DDX60: variants seen among roughly 807,000 people sequenced by gnomAD.
DDX60 encodes probable ATP-dependent RNA helicase DDX60.
A neutral mutation model predicts 212.8 loss-of-function variants in DDX60; 165 were observed. The ratio of observed to expected loss-of-function variants is 0.78; its 90% CI spans 0.68 to 0.88. DDX60 has a LOEUF of 0.88. Ranked by LOEUF, DDX60 falls within the 40% of genes least tolerant of loss-of-function variation. The pLI is 0.00. For synonymous variants in DDX60, 703 were observed against 685.3 expected, an observed-to-expected ratio of 1.03 and a Z score of -0.40; for missense variants, 1,905 against 2,003.9, an observed-to-expected ratio of 0.95 and a Z score of 0.94.
At chr4:168,274,420 TGAG>T (rs1214361936) in intron 16 of DDX60, among the ~76,000 whole-genome samples, 2 of 152,186 alleles carry the variant, frequency 1.3e-5, no homozygotes, top group Non-Finnish European at 2.9e-5. Context: ...AGAAAATAGC[TGAG>T]GAGAAGAAAC....
chr4:168,307,907 T>C, intron 4 of DDX60, 99 bp downstream of exon 4: 1 of 632,196 alleles, frequency 1.6e-6, no homozygotes, highest in Non-Finnish European at 2.3e-6. Context: ...CTTTTATAGA[T>C]ATAATCTACT....
At chr4:168,258,436 G>A (rs1442493767) in intron 25 of DDX60, among the ~76,000 whole-genome samples, 2 of 122,962 alleles carry the variant, frequency 1.6e-5, no homozygotes, top group Non-Finnish European at 3.3e-5. Flanking sequence ...TATGCTCCAT[G>A]TATTTTTTTT....
Position 168,216,870 on chromosome 4 carries a change from C to A in DDX60, c.*63G>T, listed in dbSNP as rs1321275031. The A allele has an allele frequency of 3.9e-6, 4 of 1,037,320 alleles. No individual in the cohort carries two copies. Among genetic ancestry groups the A allele is most frequent in the Non-Finnish European group, 5.7e-6 (4 of 703,944 alleles). 64.3% of individuals were successfully genotyped at this position (1,037,320 alleles called of 1,614,324 possible). On this transcript the variant is annotated 3_prime_UTR_variant, in exon 38 of 38. Coordinates refer to ENST00000393743, the MANE Select transcript of DDX60 (RefSeq NM_017631.6). ...TATTTCTGGCAAGAAGCATAAGAAT[C>A]AAAAACGTGACCTGAAAAACTACTA...
intron 6 of DDX60, among the ~76,000 whole-genome samples, chr4:168,299,982 G>A (rs1030662611): frequency 1.3e-5 from 2 of 152,052 alleles, no homozygotes; most frequent in Non-Finnish European, 2.9e-5. Context: ...ACCAGATAAA[G>A]GCAATTCAAA....
At chr4:168,284,337 G>T (rs1735726525) in intron 12 of DDX60, among the ~76,000 whole-genome samples, 1 of 152,128 alleles carries the variant, frequency 6.6e-6, no homozygotes, top group Non-Finnish European at 1.5e-5. Flanking sequence ...TAAGCATAGG[G>T]ATACAGAAAG....
chr4:168,234,822 T>G (rs1013242574), intron 33 of DDX60, among the ~76,000 whole-genome samples: 1 of 152,092 alleles, frequency 6.6e-6, no homozygotes, highest in Non-Finnish European at 1.5e-5. Context: ...CATTTTCGTG[T>G]TTGGCCAAGA....
intron 1 of DDX60, among the ~76,000 whole-genome samples, chr4:168,314,319 ACT>A (rs1338190927): frequency 2.1e-5 from 3 of 142,150 alleles, no homozygotes; most frequent in Admixed American, 6.9e-5. Context: ...ATGATTGAAC[ACT>A]CACACACACA....
Position 168,311,066 on chromosome 4 carries a change from T to A in DDX60, c.6A>T (p.Glu2Asp). ...GTGAAAATGTTGTAAGAACATTTCT[T>A]TCTAAATTTAAAAAAAAAGAGAGAA... M[E>D]RNVLTTFSQE... The change falls in exon 3 of 38, where the codon GAA becomes GAT. Residue 2 changes from glutamate (E) to aspartate (D), a missense_variant and splice_region_variant. Coordinates refer to ENST00000393743, the MANE Select transcript of DDX60 (RefSeq NM_017631.6). 6.4e-7 allele frequency: 1 copy of A among 1,559,344 alleles called. No homozygotes were observed. Among genetic ancestry groups the A allele is most frequent in the Non-Finnish European group, 8.8e-7 (1 of 1,137,464 alleles).
At chr4:168,261,716 C>T (rs1354573050) in intron 24 of DDX60, among the ~76,000 whole-genome samples, 1 of 152,126 alleles carries the variant, frequency 6.6e-6, no homozygotes, top group Non-Finnish European at 1.5e-5. Flanking sequence ...AAAGTATCAA[C>T]AATATCATCT....
intron 1 of DDX60, among the ~76,000 whole-genome samples, chr4:168,313,440 T>C (rs1322504764): frequency 1.7e-4 from 26 of 152,148 alleles, no homozygotes; most frequent in Admixed American, 1.7e-3. Flanking sequence ...ATGGGTCTTG[T>C]GCCCAGGTCA....
At chr4:168,257,349 T>C (rs969387197) in intron 25 of DDX60, among the ~76,000 whole-genome samples, 2 of 152,184 alleles carry the variant, frequency 1.3e-5, no homozygotes, top group African/African-American at 4.8e-5. Flanking sequence ...TCAGGCATTA[T>C]TCTCAGTGAC....
At chr4:168,315,516 G>A (rs113892268) in intron 1 of DDX60, among the ~76,000 whole-genome samples, 5,984 of 152,074 alleles carry the variant, frequency 0.039, 160 homozygotes, top group Non-Finnish European at 0.059. Flanking sequence ...CTATCAACCC[G>A]TCATCCAGGT....
intron 30 of DDX60, among the ~76,000 whole-genome samples, chr4:168,240,598 C>T (rs951974329): frequency 1.3e-5 from 2 of 152,142 alleles, no homozygotes; most frequent in African/African-American, 4.8e-5. Context: ...GTAACCAAAA[C>T]AGACACACAG....
At position 168,267,584 on chromosome 4, in the gene DDX60, G is replaced by C; in HGVS notation, c.3037C>G (p.His1013Asp). The C allele has an allele frequency of 6.6e-7, 1 of 1,522,488 alleles. No homozygotes were observed. The highest frequency in any genetic ancestry group is 8.9e-7 in the Non-Finnish European group (1 of 1,125,416). 94.3% of individuals were successfully genotyped at this position (1,522,488 alleles called of 1,614,324 possible). ...AATATGGCTAAAATATTACCTACAT[G>C]ATCTGTTGTTAGTGCAGCACATGGG... Reference protein sequence around the residue: ...FHPCAALTTDHIERYGFPPDL... With the variant: ...FHPCAALTTDDIERYGFPPDL... Residue 1013 changes from histidine to aspartate, a missense_variant and splice_region_variant, in exon 22 of 38, where the codon CAT (histidine) becomes GAT (aspartate). Coordinates refer to ENST00000393743, the MANE Select transcript of DDX60 (RefSeq NM_017631.6).
intron 14 of DDX60, among the ~76,000 whole-genome samples, chr4:168,278,627 C>T (rs1735453710): frequency 6.6e-6 from 1 of 152,098 alleles, no homozygotes; most frequent in African/African-American, 2.4e-5. Context: ...GATCGATGAT[C>T]CTGGCCAACA....
In DDX60 at chr4:168,221,850, G is replaced by C. The variant is rs964594304; in HGVS notation, c.4856C>G (p.Ser1619Cys). The C allele has an allele frequency of 7.4e-6, 12 of 1,612,928 alleles. No homozygotes were observed. The highest frequency in any genetic ancestry group is 1.7e-5 in the Admixed American group (1 of 59,934). The change falls in exon 36 of 38, where the codon TCT becomes TGT. Residue 1619 changes from serine (S) to cysteine (C), a missense_variant. By Grantham distance (112) the Ser-to-Cys change is moderately radical. Coordinates refer to ENST00000393743, the MANE Select transcript of DDX60 (RefSeq NM_017631.6). ...CTGTGACAACAGCACTGGAGCCTGA[G>C]AGCGATTGACACCGATTGTGCCTAG... is the stretch of plus-strand genomic sequence containing the variant. ...VTLGTIGVNR[S>C]QAPVLLSQKF...
chr4:168,289,874 T>A (rs1321109102), intron 8 of DDX60, among the ~76,000 whole-genome samples: 1 of 152,148 alleles, frequency 6.6e-6, no homozygotes, highest in Admixed American at 6.6e-5. Flanking sequence ...CTCTCACTGG[T>A]CCCTGGCACC....
chr4:168,264,869 A>C (rs1734775193), intron 22 of DDX60, among the ~76,000 whole-genome samples: 1 of 152,218 alleles, frequency 6.6e-6, no homozygotes, highest in African/African-American at 2.4e-5. Context: ...GAGTCTAGGC[A>C]GAAAATGAAG....
At chr4:168,240,075 C>G (rs1050926079) in intron 30 of DDX60, among the ~76,000 whole-genome samples, 1 of 151,850 alleles carries the variant, frequency 6.6e-6, no homozygotes, top group African/African-American at 2.4e-5. Context: ...TCTAGAAAAC[C>G]CCATCATCTC....
Sources: allele counts gnomAD v4.1 joint callset (sites outside exome capture counted in the v4.1 genomes callset), GRCh38; gene constraint gnomAD v4.1.1; transcripts MANE v1.5; gene names NCBI Gene and HGNC (gene_info 2026-07-23, HGNC 2026-07-21).